LRMDA: variants seen among roughly 807,000 people sequenced by gnomAD.
LRMDA encodes leucine-rich melanocyte differentiation-associated protein.
LRMDA carries 18 observed loss-of-function variants against 29.8 expected under a neutral mutation model. The observed-to-expected ratio is 0.60, with a 90% CI of 0.42 to 0.90. The LOEUF (loss-of-function observed/expected upper bound fraction) is 0.90. LRMDA is among the 40% of genes least tolerant of loss of function. The probability of loss-of-function intolerance (pLI) is 0.00; values close to 1 mark genes in which losing one functional copy is unlikely to be tolerated. For missense variants in LRMDA, 273 were observed against 273.9 expected (o/e 1.00, Z 0.02); for synonymous variants, 125 against 109.4 (o/e 1.14, Z -0.89).
intron 5 of LRMDA, among the ~76,000 whole-genome samples, chr10:76,072,279 T>C (rs1387395046): frequency 2.0e-5 from 3 of 152,172 alleles, no homozygotes; most frequent in Non-Finnish European, 2.9e-5. Context: ...ATTTGGGCTC[T>C]AATCCCTCTC....
At chr10:75,440,963 G>A (rs189388562) in intron 2 of LRMDA, among the ~76,000 whole-genome samples, 74 of 152,254 alleles carry the variant, frequency 4.9e-4, no homozygotes, top group African/African-American at 1.7e-3. Flanking sequence ...CTTGAACCTG[G>A]GAGGTAGAGG....
chr10:76,058,081 T>C (rs1848645064), intron 4 of LRMDA, among the ~76,000 whole-genome samples: 1 of 152,202 alleles, frequency 6.6e-6, no homozygotes, highest in Non-Finnish European at 1.5e-5. Flanking sequence ...CTTTTCTCCT[T>C]GATAATCTTC....
intron 2 of LRMDA, among the ~76,000 whole-genome samples, chr10:75,940,505 T>G (rs1445686950): frequency 6.6e-6 from 1 of 152,174 alleles, no homozygotes; most frequent in East Asian, 1.9e-4. Flanking sequence ...TTCCACCAAC[T>G]AAAAGTGAGA....
chr10:75,821,576 T>C (rs991266077), intron 2 of LRMDA, among the ~76,000 whole-genome samples: 9 of 152,144 alleles, frequency 5.9e-5, no homozygotes, highest in African/African-American at 1.9e-4. Flanking sequence ...GAGACCATCC[T>C]GGCTAACATG....
At chr10:75,546,908 G>A (rs556769266) in intron 2 of LRMDA, among the ~76,000 whole-genome samples, 14 of 152,156 alleles carry the variant, frequency 9.2e-5, no homozygotes, top group African/African-American at 3.1e-4. Context: ...AGACACATAG[G>A]GTACTTCAAT....
chr10:75,460,315 G>A (rs188028352), intron 2 of LRMDA, among the ~76,000 whole-genome samples: 70 of 152,272 alleles, frequency 4.6e-4, no homozygotes, highest in Admixed American at 1.3e-3. Context: ...AGTACATACT[G>A]CCTTTTGAAT....
intron 2 of LRMDA, among the ~76,000 whole-genome samples, chr10:75,714,108 G>A (rs955778396): frequency 3.9e-5 from 6 of 152,174 alleles, no homozygotes; most frequent in Non-Finnish European, 7.4e-5. Flanking sequence ...CCCCCAGAAT[G>A]CATGAACAGC....
At chr10:75,590,130 C>A (rs1186494725) in intron 2 of LRMDA, among the ~76,000 whole-genome samples, 1 of 151,602 alleles carries the variant, frequency 6.6e-6, no homozygotes, top group Non-Finnish European at 1.5e-5. Flanking sequence ...GGTAATCCTT[C>A]CCCTCAGCCT....
chr10:75,815,764 A>G (rs1844048024), intron 2 of LRMDA, among the ~76,000 whole-genome samples: 1 of 152,240 alleles, frequency 6.6e-6, no homozygotes, highest in African/African-American at 2.4e-5. Flanking sequence ...TATTGCAGCC[A>G]AAATAATCTA....
At chr10:76,251,300 C>T (rs1266961081) in intron 5 of LRMDA, among the ~76,000 whole-genome samples, 3 of 135,004 alleles carry the variant, frequency 2.2e-5, no homozygotes, top group African/African-American at 8.5e-5. Context: ...GGCCGGACTG[C>T]GGACTGCAGT....
At chr10:76,439,946 G>T (rs992272047) in intron 6 of LRMDA, among the ~76,000 whole-genome samples, 2 of 152,190 alleles carry the variant, frequency 1.3e-5, no homozygotes, top group African/African-American at 4.8e-5. Flanking sequence ...ACCCCTTGGG[G>T]AAGTCTTTAA....
At chr10:76,362,719 GC>G (rs1841327004) in intron 6 of LRMDA, among the ~76,000 whole-genome samples, 3 of 152,032 alleles carry the variant, frequency 2.0e-5, no homozygotes, top group Non-Finnish European at 4.4e-5. Context: ...GCCTTTTAGA[GC>G]AATCTTTCTT....
intron 2 of LRMDA, among the ~76,000 whole-genome samples, chr10:75,551,085 G>A (rs1401039874): frequency 6.7e-6 from 1 of 150,248 alleles, no homozygotes; most frequent in Non-Finnish European, 1.5e-5. Context: ...TTGATTAATA[G>A]GAAAATGAAA....
intron 2 of LRMDA, among the ~76,000 whole-genome samples, chr10:75,830,261 G>C (rs1233026012): frequency 6.6e-6 from 1 of 152,164 alleles, no homozygotes; most frequent in Non-Finnish European, 1.5e-5. Context: ...TATTCTGCTG[G>C]ACTTGACCCT....
At chr10:75,803,516 C>T (rs1424867790) in intron 2 of LRMDA, among the ~76,000 whole-genome samples, 1 of 152,216 alleles carries the variant, frequency 6.6e-6, no homozygotes, top group African/African-American at 2.4e-5. Context: ...CATGTACATT[C>T]TGGCTCTGCC....
intron 2 of LRMDA, among the ~76,000 whole-genome samples, chr10:75,582,679 C>T (rs896704129): frequency 1.3e-5 from 2 of 152,224 alleles, no homozygotes; most frequent in African/African-American, 4.8e-5. Context: ...TTTAGTTATG[C>T]AAATTTCTGC....
chr10:76,375,231 C>T (rs1841501963), intron 6 of LRMDA, among the ~76,000 whole-genome samples: 1 of 151,948 alleles, frequency 6.6e-6, no homozygotes. Flanking sequence ...ACTGACTATA[C>T]CCAAGTTGTT....
At chr10:76,429,599 C>T (rs1842169663) in intron 6 of LRMDA, among the ~76,000 whole-genome samples, 1 of 151,996 alleles carries the variant, frequency 6.6e-6, no homozygotes, top group South Asian at 2.1e-4. Flanking sequence ...TGTTAATCAC[C>T]ACTCTATTCT....
rs144778369 is a variant in LRMDA, at chr10:76,493,987, G to A, written c.602-63222G>A. On this transcript the variant is annotated intron_variant, in intron 6 of 6. Coordinates refer to ENST00000611255, the MANE Select transcript of LRMDA (RefSeq NM_001305581.2). ...TTCTGACAGTTTATTGCTTTTATAT[G>A]TACCTTTAATTGATTTTTATGTGTT... Among the ~76,000 whole-genome samples, 4 of 151,930 alleles carry A rather than the reference G, an allele frequency of 2.6e-5. No homozygotes were observed. In the East Asian group the frequency reaches 7.8e-4, roughly 30 times the overall value.
Sources: gnomAD v4.1 joint callset for allele counts (sites outside exome capture counted in the v4.1 genomes callset) on GRCh38, gnomAD v4.1.1 for gene constraint, MANE v1.5 for transcripts, NCBI Gene and HGNC (gene_info 2026-07-23, HGNC 2026-07-21) for gene names.